The following LILRB1 variants were observed in gnomAD, a reference collection of about 807,000 sequenced individuals.
The protein encoded by LILRB1 is leukocyte immunoglobulin like receptor B1.
Under a neutral mutation model 74.6 loss-of-function variants are expected in LILRB1, and 59 were observed. The observed-to-expected ratio is 0.79, with a 90% confidence interval of 0.64 to 0.98. The LOEUF (loss-of-function observed/expected upper bound fraction) is 0.98. LILRB1 is among the 50% of genes least tolerant of loss of function. The probability of loss-of-function intolerance (pLI) is 0.00; values close to 1 mark genes in which losing one functional copy is unlikely to be tolerated. For missense variants in LILRB1, 804 were observed against 822.6 expected (o/e 0.98, Z 0.28); for synonymous variants, 328 against 333.9 (o/e 0.98, Z 0.19).
At chr19:54,628,058 T>C (rs988721491), upstream of LILRB1, among the ~76,000 whole-genome samples, 5 of 152,330 alleles carry the variant, frequency 3.3e-5, no homozygotes, top group African/African-American at 1.2e-4. Context: ...TCTGTCCGGT[T>C]TCCACTGGCT....
Position 54,631,561 on chromosome 19 carries a change from T to G in LILRB1, c.132T>G (p.Pro44=), listed in dbSNP as rs1460539586. 1 of 1,614,226 alleles carries G rather than the reference T, an allele frequency of 6.2e-7. No homozygotes were observed. Among genetic ancestry groups the G allele is most frequent in the Non-Finnish European group, 8.5e-7 (1 of 1,180,022 alleles). ...GCTCTGTGATCACCCAGGGGAGTCC[T>G]GTGACCCTCAGGTGTCAGGGGGGCC... ...EPGSVITQGS[P]VTLRCQGGQE... Residue 44 remains proline, a synonymous_variant, in exon 4 of 15, where the codon CCT becomes CCG. Coordinates refer to ENST00000324602, the MANE Select transcript of LILRB1 (RefSeq NM_001081637.3).
intron 3 of LILRB1, 68 bp from the exon 4 acceptor site, chr19:54,631,432 G>A: frequency 6.2e-7 from 1 of 1,603,886 alleles, no homozygotes; most frequent in South Asian, 1.1e-5. Context: ...AGGGTCCTGG[G>A]CTGAGAGCTG....
Position 54,637,765 on chromosome 19 carries a change from TCCATATGGGAGTGAG to T in LILRB1, c.*891_*905del, listed in dbSNP as rs1377215914. Among the ~76,000 whole-genome samples the T allele has an allele frequency of 6.6e-6, 1 of 152,122 alleles. No homozygotes were observed. The highest frequency in any genetic ancestry group is 1.9e-4 in the East Asian group (1 of 5,194). ...GAGAAAGAAAGAGCAGGCATGCATT[TCCATATGGGAGTGAG>T]CCAGCAGACAGCCCTACAGATCGTA... On this transcript the variant is annotated 3_prime_UTR_variant, in exon 15 of 15. Transcript: ENST00000324602.
Position 54,631,604 on chromosome 19 carries a change from C to G in LILRB1, c.175C>G (p.Arg59Gly), listed in dbSNP as rs749592435. 6 of 1,614,276 alleles carry G rather than the reference C, an allele frequency of 3.7e-6. No homozygotes were observed. The East Asian group carries it at 1.1e-4, about 30-fold the overall frequency. Residue 59 changes from arginine to glycine, a missense_variant, in exon 4 of 15, where the codon CGT becomes GGT. Transcript: ENST00000324602. Reference sequence around the variant, plus strand: ...GGGGGGCCAGGAGACCCAGGAGTACCGTCTATATAGAGAAAAGAAAACAGC... The same window carrying G: ...GGGGGGCCAGGAGACCCAGGAGTACGGTCTATATAGAGAAAAGAAAACAGC... Reference protein sequence around the residue: ...CQGGQETQEYRLYREKKTAPW... With the variant: ...CQGGQETQEYGLYREKKTAPW...
chr19:54,636,848 C>A lies in LILRB1; in HGVS notation c.1929C>A (p.Pro643=), dbSNP rs41548213. 0.044 allele frequency: 71,664 copies of A among 1,613,652 alleles called. 1,763 individuals are homozygous for A. The highest frequency in any genetic ancestry group is 0.049 in the Non-Finnish European group (58,293 of 1,179,666). ...PSQEGPSPAV[P]SIYATLAIH ...AGGAAGGGCCCTCTCCAGCTGTGCC[C>A]AGCATCTACGCCACTCTGGCCATCC... The change falls in exon 15 of 15, where the codon CCC becomes CCA. Residue 643 remains proline (P), a synonymous_variant. Coordinates refer to ENST00000324602, the MANE Select transcript of LILRB1 (RefSeq NM_001081637.3).
At chr19:54,620,876 A>T (rs990885559) in intron 1 of LILRB1, among the ~76,000 whole-genome samples, 2 of 151,824 alleles carry the variant, frequency 1.3e-5, no homozygotes, top group Admixed American at 6.6e-5. Flanking sequence ...TTATTTATTT[A>T]TTTTTTATTT....
chr19:54,618,936 CT>C (rs2063383950), intron 1 of LILRB1, among the ~76,000 whole-genome samples: 1 of 152,000 alleles, frequency 6.6e-6, no homozygotes, highest in Non-Finnish European at 1.5e-5. Context: ...TATAAACAAA[CT>C]TGTCACATAA....
Position 54,635,591 on chromosome 19 carries a change from G to C in LILRB1, c.1635G>C (p.Gly545=). The stretch of plus-strand genomic sequence containing the variant: ...TGAAGCACACACAGCCTGAGGATGG[G>C]GTGGAGATGGACACTCGGGTGAGAC... ...AAVKHTQPED[G]VEMDTRQSPH... is the part of the protein sequence containing the mutation. The change falls in exon 13 of 15, where the codon GGG becomes GGC. Residue 545 remains glycine (G), a synonymous_variant. Coordinates refer to ENST00000324602, the MANE Select transcript of LILRB1 (RefSeq NM_001081637.3). 1 of 1,614,012 alleles carries C rather than the reference G, an allele frequency of 6.2e-7. No individual in the cohort carries two copies. The highest frequency in any genetic ancestry group is 8.5e-7 in the Non-Finnish European group (1 of 1,179,980).
At chr19:54,634,603 A>ATGACATCACCCCCATCCC (rs1345634005) in intron 9 of LILRB1, 38 bp from the exon 10 acceptor site, 1 of 1,584,568 alleles carries the variant, frequency 6.3e-7, no homozygotes, top group East Asian at 2.3e-5. Context: ...GCTCATTTCA[A>ATGACATCACCCCCATCCC]TGACATCACC....
rs56409367 is a variant in LILRB1 at position 54,621,535 on chromosome 19, G to GTT, written c.-166+4197_-166+4198dup. Among the ~76,000 whole-genome samples the GTT allele has an allele frequency of 3.4e-5, 5 of 145,362 alleles. No individual in the cohort carries two copies. The East Asian group carries it at 6.2e-4, about 18-fold the overall frequency. ...TTCCATAAAGTTGTCTGTGTTTTTT[G>GTT]TTTTTTTTTTTTCATGTTGAATTCT... On this transcript the variant is annotated intron_variant, in intron 1 of 15. Coordinates refer to the LILRB1 transcript ENST00000396331.
Position 54,632,473 on chromosome 19 carries a change from A to G in LILRB1, c.671A>G (p.Lys224Arg), listed in dbSNP as rs762849912. 1.2e-6 allele frequency: 2 copies of G among 1,601,402 alleles called. No homozygotes were observed. The highest frequency in any genetic ancestry group is 1.7e-6 in the Non-Finnish European group (2 of 1,171,650). Reference sequence around the variant, plus strand: ...GACCACCTTTTCCCAGGTGTTTCTAAGAAGCCATCACTCTCAGTGCAGCCA... The same window carrying G: ...GACCACCTTTTCCCAGGTGTTTCTAGGAAGCCATCACTCTCAGTGCAGCCA... ...LLELLVLGVS[K>R]KPSLSVQPGP... The change falls in exon 6 of 15, where the codon AAG becomes AGG. Residue 224 changes from lysine (K) to arginine (R), a missense_variant. By Grantham distance (26) the Lys-to-Arg change is conservative (BLOSUM62 2). Transcript: ENST00000324602.
intron 1 of LILRB1, among the ~76,000 whole-genome samples, chr19:54,619,954 G>GT (rs547546954): frequency 0.87 from 125,416 of 144,808 alleles, 54,106 homozygotes; most frequent in East Asian, 0.96. Context: ...GTTAAACCTC[G>GT]TTTTTTTTTT....
chr19:54,633,720 G>C, intron 8 of LILRB1, 32 bp downstream of exon 8: 1 of 1,603,252 alleles, frequency 6.2e-7, no homozygotes. Context: ...ACTCAAGGGA[G>C]TGCGGCCTCC....
At chr19:54,628,580 A>G (rs2146213951), upstream of LILRB1, among the ~76,000 whole-genome samples, 1 of 152,234 alleles carries the variant, frequency 6.6e-6, no homozygotes, top group South Asian at 2.1e-4. Context: ...TACAAAGCAC[A>G]CTGCAGAGGA....
At chr19:54,621,996 A>C (rs2063470351) in intron 1 of LILRB1, among the ~76,000 whole-genome samples, 1 of 152,148 alleles carries the variant, frequency 6.6e-6, no homozygotes. Flanking sequence ...AGTATGTTGT[A>C]GGCATGTATC....
Position 54,632,525 on chromosome 19 carries a change from C to CCTGACT in LILRB1, c.727_732dup (p.Thr243_Leu244dup). ...GTCCTATCGTGGCCCCTGAGGAGAC[C>CCTGACT]CTGACTCTGCAGTGTGGCTCTGATG... On this transcript the variant is annotated inframe_insertion, in exon 6 of 15. Transcript: ENST00000324602. 1.9e-6 allele frequency: 3 copies of CCTGACT among 1,613,868 alleles called. No individual in the cohort carries two copies. The highest frequency in any genetic ancestry group is 2.5e-6 in the Non-Finnish European group (3 of 1,179,874).
chr19:54,636,565 A>T lies in LILRB1; in HGVS notation c.1725A>T (p.Glu575Asp). The T allele has an allele frequency of 6.2e-7, 1 of 1,611,686 alleles. No individual in the cohort carries two copies. Among genetic ancestry groups the T allele is most frequent in the Non-Finnish European group, 8.5e-7 (1 of 1,179,744 alleles). Reference sequence around the variant, plus strand: ...TGAAACACTCCAGACCTAGGAGAGAAATGGCCTCTCCTCCTTCCCCACTGT... The same window carrying T: ...TGAAACACTCCAGACCTAGGAGAGATATGGCCTCTCCTCCTTCCCCACTGT... ...AEVKHSRPRR[E>D]MASPPSPLSG... is the part of the protein sequence containing the mutation. Residue 575 changes from glutamate to aspartate, a missense_variant, in exon 14 of 15, where the codon GAA (glutamate) becomes GAT (aspartate). Glu to Asp is a conservative substitution (Grantham distance 45, BLOSUM62 2). Transcript: ENST00000324602.
Position 54,635,115 on chromosome 19 carries a change from G to C in LILRB1, c.1498G>C (p.Ala500Pro), listed in dbSNP as rs1365122687. Residue 500 changes from alanine to proline, a missense_variant, in exon 11 of 15, where the codon GCT becomes CCT. Ala to Pro is a conservative substitution (Grantham distance 27). Coordinates refer to ENST00000324602, the MANE Select transcript of LILRB1 (RefSeq NM_001081637.3). ...CCTTCTTCCCCCAGCCCAGAGAAAG[G>C]CTGATTTCCAACATCCTGCAGGGGC... ...GKHWTSTQRK[A>P]DFQHPAGAVG... 6.3e-7 allele frequency: 1 copy of C among 1,581,058 alleles called. No individual in the cohort carries two copies. Among genetic ancestry groups the C allele is most frequent in the Non-Finnish European group, 8.6e-7 (1 of 1,157,030 alleles).
chr19:54,637,882 T>A lies in LILRB1; in HGVS notation c.*1004T>A, dbSNP rs569805569. 6.6e-6 allele frequency among the ~76,000 whole-genome samples: 1 copy of A among 152,276 alleles called. No homozygotes were observed. Among genetic ancestry groups the A allele is most frequent in the African/African-American group, 2.4e-5 (1 of 41,538 alleles). On this transcript the variant is annotated 3_prime_UTR_variant, in exon 15 of 15. Transcript: ENST00000324602. ...TACTAGAAATTGCAGATTAAATAGA[T>A]GAAATATTCTAAACTGGAGTTTACA...
Sources: allele counts gnomAD v4.1 joint callset (sites outside exome capture counted in the v4.1 genomes callset), GRCh38; gene constraint gnomAD v4.1.1; transcripts MANE v1.5; gene names NCBI Gene and HGNC (gene_info 2026-07-23, HGNC 2026-07-21).